The following DYNC2H1 variants were observed in gnomAD, a reference collection of about 807,000 sequenced individuals.
DYNC2H1 encodes the protein dynein cytoplasmic 2 heavy chain 1.
Under a neutral mutation model 570.0 loss-of-function variants are expected in DYNC2H1, and 410 were observed. The observed-to-expected ratio is 0.72, with a 90% CI of 0.66 to 0.78. The LOEUF (loss-of-function observed/expected upper bound fraction) is 0.78. Ranked by LOEUF, DYNC2H1 falls within the 30% of genes least tolerant of loss-of-function variation. The pLI is 0.00. For synonymous variants in DYNC2H1, 1,688 were observed against 1,677.6 expected, an observed-to-expected ratio of 1.01 and a Z score of -0.15; for missense variants, 4,865 against 5,046.4, an observed-to-expected ratio of 0.96 and a Z score of 1.09.
At position 103,304,611 on chromosome 11, in the gene DYNC2H1, G is replaced by T; in HGVS notation, c.11273G>T (p.Gly3758Val). The T allele has an allele frequency of 6.2e-7, 1 of 1,612,710 alleles. No individual in the cohort carries two copies. Residue 3758 changes from glycine (G) to valine (V), a missense_variant, in exon 77 of 89, where the codon GGT becomes GTT. By Grantham distance (109) the Gly-to-Val change is moderately radical. Transcript: ENST00000375735. ...ECYHQVAMGQ[G>V]QADLAIQMLK... ...CTTTTGTAGGTTGCCATGGGTCAAG[G>T]TCAAGCTGATTTAGCAATTCAAATG...
At chr11:103,296,790 A>T (rs997653871) in intron 75 of DYNC2H1, among the ~76,000 whole-genome samples, 2 of 150,240 alleles carry the variant, frequency 1.3e-5, no homozygotes, top group Non-Finnish European at 1.5e-5. Context: ...TCTTAAAAAT[A>T]CCTCCCTTGG....
intron 83 of DYNC2H1, among the ~76,000 whole-genome samples, chr11:103,373,950 C>G (rs923668262): frequency 6.6e-6 from 1 of 151,966 alleles, no homozygotes; most frequent in African/African-American, 2.4e-5. Flanking sequence ...GCTCCATAGT[C>G]TTTTAAAATT....
chr11:103,233,156 A>G (rs1278547489), intron 60 of DYNC2H1, among the ~76,000 whole-genome samples: 2 of 152,006 alleles, frequency 1.3e-5, no homozygotes, highest in Non-Finnish European at 2.9e-5. Context: ...TGCCAGTCAC[A>G]TCTGTATATG....
intron 55 of DYNC2H1, 79 bp downstream of exon 55, chr11:103,215,937 T>G: frequency 6.7e-7 from 1 of 1,494,068 alleles, no homozygotes; most frequent in Non-Finnish European, 9.0e-7. Context: ...AATAACATTT[T>G]CACTTAGGTG....
intron 75 of DYNC2H1, among the ~76,000 whole-genome samples, chr11:103,292,392 TAAACTC>T (rs1255301184): frequency 2.0e-5 from 3 of 152,216 alleles, no homozygotes; most frequent in Non-Finnish European, 2.9e-5. Flanking sequence ...AATTTACACT[TAAACTC>T]AATTCCCTTT....
intron 17 of DYNC2H1, 21 bp from the exon 18 acceptor site, chr11:103,143,247 A>T: frequency 1.2e-6 from 2 of 1,608,820 alleles, no homozygotes; most frequent in Non-Finnish European, 8.5e-7. Flanking sequence ...TTAATAATAC[A>T]TTTTTTCTTT....
chr11:103,286,808 G>T (rs1866368848), intron 74 of DYNC2H1, among the ~76,000 whole-genome samples: 1 of 152,064 alleles, frequency 6.6e-6, no homozygotes, highest in African/African-American at 2.4e-5. Flanking sequence ...TTTTTTGCTA[G>T]TCAAAAAGCT....
intron 32 of DYNC2H1, 66 bp downstream of exon 32, chr11:103,169,026 T>C: frequency 7.4e-7 from 1 of 1,347,652 alleles, no homozygotes. Flanking sequence ...AAATTTGTTA[T>C]TGGTAGAAAT....
Position 103,185,171 on chromosome 11 carries a change from A to G in DYNC2H1, c.6633+120A>G, listed in dbSNP as rs1591374853. On this transcript the variant is annotated intron_variant, in intron 41 of 88. Transcript: ENST00000375735. The surrounding 1 kb of genome is among the most constrained non-coding windows in gnomAD (Gnocchi z 4.5). ...GAACTTTTAAAATTTGAAATTATGT[A>G]TTCAATTGAGTAATAATGTATTTAT... 1 of 821,712 alleles carries G rather than the reference A, an allele frequency of 1.2e-6. No homozygotes were observed. The highest frequency in any genetic ancestry group is 2.8e-5 in the East Asian group (1 of 36,120). 50.9% of individuals were successfully genotyped at this position (821,712 alleles called of 1,614,324 possible). A position where few individuals can be genotyped will look rare whatever the true frequency, so the allele number is the denominator to read the frequency against.
intron 17 of DYNC2H1, among the ~76,000 whole-genome samples, chr11:103,138,863 AG>A (rs1471899511): frequency 6.6e-6 from 1 of 151,738 alleles, no homozygotes; most frequent in African/African-American, 2.4e-5. Context: ...TTGGTTGGTA[AG>A]CTATTGATTA....
intron 82 of DYNC2H1, among the ~76,000 whole-genome samples, chr11:103,354,807 C>CTTTTTTTTTTTT (rs10718561): frequency 7.1e-6 from 1 of 141,146 alleles, no homozygotes; most frequent in African/African-American, 2.6e-5. Flanking sequence ...CTTGTAAGAT[C>CTTTTTTTTTTTT]TTTTTTTTTT....
rs373847672 is a variant in DYNC2H1, at chr11:103,156,450, T to G, written c.3807T>G (p.Leu1269=). The change falls in exon 26 of 89, where the codon CTT becomes CTG. Residue 1269 remains leucine (L), a synonymous_variant. Transcript: ENST00000375735. ...GAGAAGCTTTACGTGAACTTGATCT[T>G]TGGGGAGTTGGAGCAGTGTTTACAT... ...TIREALRELD[L]WGVGAVFTLI... is the part of the protein sequence containing the mutation. 6.2e-7 allele frequency: 1 copy of G among 1,613,668 alleles called. No individual in the cohort carries two copies. The highest frequency in any genetic ancestry group is 8.5e-7 in the Non-Finnish European group (1 of 1,179,714).
chr11:103,222,445 T>G (rs1296475891), intron 58 of DYNC2H1, among the ~76,000 whole-genome samples: 1 of 152,222 alleles, frequency 6.6e-6, no homozygotes, highest in African/African-American at 2.4e-5. Flanking sequence ...TTTTATTTTT[T>G]CTTGTGTACT....
intron 83 of DYNC2H1, among the ~76,000 whole-genome samples, chr11:103,371,570 A>G (rs1941147985): frequency 6.6e-6 from 1 of 152,206 alleles, no homozygotes; most frequent in African/African-American, 2.4e-5. Flanking sequence ...GAAAAGAAAC[A>G]AGTAACATAC....
At chr11:103,237,340 C>T (rs1325635391) in intron 63 of DYNC2H1, among the ~76,000 whole-genome samples, 2 of 151,878 alleles carry the variant, frequency 1.3e-5, no homozygotes, top group African/African-American at 4.8e-5. Flanking sequence ...ATTAAACATG[C>T]TCCTCTTTAT....
intron 85 of DYNC2H1, among the ~76,000 whole-genome samples, chr11:103,447,687 T>G (rs1944473166): frequency 6.6e-6 from 1 of 152,164 alleles, no homozygotes; most frequent in South Asian, 2.1e-4. Flanking sequence ...AGGTTTATTA[T>G]AACTAAGTTT....
chr11:103,407,907 G>T (rs1942928070), intron 84 of DYNC2H1: 1 of 151,902 alleles, frequency 6.6e-6, no homozygotes, highest in African/African-American at 2.4e-5. Context: ...TAAGTTAAAT[G>T]AGCCACTTAT....
Position 103,264,128 on chromosome 11 carries a change from A to G in DYNC2H1, c.10695+4151A>G, listed in dbSNP as rs1200674203. Among the ~76,000 whole-genome samples the G allele has an allele frequency of 3.9e-5, 6 of 152,320 alleles. No homozygotes were observed. The highest frequency in any genetic ancestry group is 3.3e-4 in the Admixed American group (5 of 15,296). On this transcript the variant is annotated intron_variant, in intron 70 of 88. Coordinates refer to ENST00000375735, the MANE Select transcript of DYNC2H1 (RefSeq NM_001377.3). The surrounding 1 kb of genome is among the most constrained non-coding windows in gnomAD (Gnocchi z 4.8). ...AGAAGAAATGGATAAATTCCTGGACACATACACCCTCCCAAGACTAAACCA... is the reference window on the plus strand; with the variant it reads ...AGAAGAAATGGATAAATTCCTGGACGCATACACCCTCCCAAGACTAAACCA...
Position 103,225,930 on chromosome 11 carries a change from T to A in DYNC2H1, c.9353+2844T>A, listed in dbSNP as rs1032940916. 2.7e-5 allele frequency among the ~76,000 whole-genome samples: 4 copies of A among 148,314 alleles called. No individual in the cohort carries two copies. In the East Asian group the frequency reaches 7.9e-4, roughly 29 times the overall value. The stretch of plus-strand genomic sequence containing the variant: ...TTTGTATCATTTGTTTGTAACCATA[T>A]CCTTGGTTAGGTGTATTCCTAAGTA... On this transcript the variant is annotated intron_variant, in intron 59 of 88. Transcript: ENST00000375735.
Sources: gnomAD v4.1 joint callset for allele counts (sites outside exome capture counted in the v4.1 genomes callset) on GRCh38, gnomAD v4.1.1 for gene constraint, Gnocchi (gnomAD v3.1) non-coding constraint, MANE v1.5 for transcripts, NCBI Gene and HGNC (gene_info 2026-07-23, HGNC 2026-07-21) for gene names.